Variants in TVP23B observed in about 807,000 individuals in gnomAD.
The protein encoded by TVP23B is Golgi apparatus membrane protein TVP23 homolog B.
Under a neutral mutation model 30.6 loss-of-function variants are expected in TVP23B, and 10 were observed. That is an observed-to-expected ratio of 0.33 (90% CI 0.20 to 0.55). The LOEUF (loss-of-function observed/expected upper bound fraction) is 0.55. Among genes scored for constraint, TVP23B ranks in the 20% least tolerant of loss-of-function variants. The pLI is 0.91. For synonymous variants in TVP23B, 67 were observed against 83.1 expected, an observed-to-expected ratio of 0.81 and a Z score of 1.06; for missense variants, 153 against 243.2, an observed-to-expected ratio of 0.63 and a Z score of 2.47.
At chr17:18,801,260 TTTTTC>T (rs2036162178) in intron 5 of TVP23B, among the ~76,000 whole-genome samples, 1 of 152,204 alleles carries the variant, frequency 6.6e-6, no homozygotes, top group Non-Finnish European at 1.5e-5. Flanking sequence ...TGGTGGGGTT[TTTTTC>T]TTTTCGAGTA....
chr17:18,799,419 G>A (rs1182813597), intron 5 of TVP23B, among the ~76,000 whole-genome samples: 2 of 151,970 alleles, frequency 1.3e-5, no homozygotes, highest in Admixed American at 6.6e-5. Context: ...CTGTGCCTTC[G>A]TTTGGGCTTC....
At chr17:18,792,090 A>G (rs1015526051) in intron 3 of TVP23B, among the ~76,000 whole-genome samples, 26 of 151,482 alleles carry the variant, frequency 1.7e-4, no homozygotes, top group Non-Finnish European at 3.2e-4. Flanking sequence ...CTGGAGTGCA[A>G]TGGCATGATC....
At chr17:18,796,918 G>A (rs1597621107) in intron 3 of TVP23B, 2 of 153,918 alleles carry the variant, frequency 1.3e-5, no homozygotes, top group African/African-American at 2.4e-5. Context: ...CAATTTCCCT[G>A]TTATACTCTT....
chr17:18,789,654 A>G (rs570610026), intron 2 of TVP23B: 57 of 506,498 alleles, frequency 1.1e-4, no homozygotes, highest in African/African-American at 9.4e-4. Context: ...AGCAAATCCA[A>G]TTATTTGAAC....
intron 2 of TVP23B, chr17:18,789,685 G>A: frequency 2.3e-6 from 1 of 433,250 alleles, no homozygotes. Flanking sequence ...TTAATTCTGT[G>A]CTATTTTCCA....
At chr17:18,784,487 A>T (rs2035869527) in intron 1 of TVP23B, among the ~76,000 whole-genome samples, 1 of 152,116 alleles carries the variant, frequency 6.6e-6, no homozygotes, top group African/African-American at 2.4e-5. Context: ...TCTACTAAAA[A>T]TACAAAAATT....
intron 1 of TVP23B, among the ~76,000 whole-genome samples, chr17:18,783,092 G>GATTTATTTATTT (rs1567630060): frequency 1.3e-5 from 1 of 78,162 alleles, no homozygotes; most frequent in Non-Finnish European, 3.1e-5. Context: ...TTTATTTATT[G>GATTTATTTATTT]ATTGATTGAT....
At chr17:18,790,774 C>T (rs2035980072) in intron 2 of TVP23B, 122 bp from the exon 3 acceptor site, 1 of 1,481,736 alleles carries the variant, frequency 6.7e-7, no homozygotes, top group African/African-American at 1.4e-5. Flanking sequence ...CTACTAAAGT[C>T]ACCTCTTTTA....
At chr17:18,785,922 T>C (rs538736508) in intron 1 of TVP23B, among the ~76,000 whole-genome samples, 1 of 152,144 alleles carries the variant, frequency 6.6e-6, no homozygotes, top group South Asian at 2.1e-4. Flanking sequence ...TATGTACTGT[T>C]GTAAAGTTCT....
intron 5 of TVP23B, among the ~76,000 whole-genome samples, chr17:18,802,041 T>C (rs1040502195): frequency 4.6e-5 from 7 of 151,996 alleles, no homozygotes; most frequent in African/African-American, 1.7e-4. Flanking sequence ...GCTAACATGG[T>C]GAAACCCTGT....
intron 3 of TVP23B, among the ~76,000 whole-genome samples, chr17:18,794,719 A>G (rs1283107183): frequency 6.6e-6 from 1 of 152,076 alleles, no homozygotes; most frequent in Non-Finnish European, 1.5e-5. Flanking sequence ...TTCTGAGAGC[A>G]TTCTTTGAAA....
At chr17:18,804,628 G>A (rs1169776569) in intron 6 of TVP23B, 18 of 1,103,294 alleles carry the variant, frequency 1.6e-5, no homozygotes, top group East Asian at 1.3e-4. Context: ...TTGCTCTGTC[G>A]CCCAGGCTGG....
chr17:18,805,142 G>T (rs1239576994), intron 6 of TVP23B, among the ~76,000 whole-genome samples: 1 of 145,484 alleles, frequency 6.9e-6, no homozygotes, highest in African/African-American at 2.6e-5. Context: ...AGGCTGGAGT[G>T]CAGTGGCGCG....
chr17:18,804,500 T>C (rs2036218459), intron 6 of TVP23B: 1 of 1,252,946 alleles, frequency 8.0e-7, no homozygotes, highest in Non-Finnish European at 1.0e-6. Context: ...GATAATAACT[T>C]ATTTTTTAAA....
chr17:18,790,762 T>C (rs2035979860), intron 2 of TVP23B, 134 bp from the exon 3 acceptor site: 3 of 1,468,052 alleles, frequency 2.0e-6, no homozygotes, highest in South Asian at 1.3e-5. Context: ...GTTTGCTTCA[T>C]CCTACTAAAG....
chr17:18,782,048 G>C (rs972582484), intron 1 of TVP23B: 3 of 151,942 alleles, frequency 2.0e-5, no homozygotes, highest in African/African-American at 7.3e-5. Context: ...GATATTTTCA[G>C]ATAATTGCAA....
rs1221098132 is a variant in TVP23B, at chr17:18,781,244, C to A, written c.-50C>A. On this transcript the variant is annotated 5_prime_UTR_variant, in exon 1 of 7. Transcript: ENST00000307767. ...GCCTCAGTTCCGACCCGGACCCGTA[C>A]GCTGCTGCGCTGACGTGGCTCCCGG... 6.4e-7 allele frequency: 1 copy of A among 1,555,864 alleles called. No homozygotes were observed. Among genetic ancestry groups the A allele is most frequent in the East Asian group, 2.4e-5 (1 of 41,754 alleles).
intron 1 of TVP23B, 50 bp downstream of exon 1, chr17:18,781,355 C>T (rs772748779): frequency 1.3e-6 from 2 of 1,559,814 alleles, no homozygotes; most frequent in African/African-American, 1.4e-5. Context: ...GGGACTGGCT[C>T]TGCAGGTTCC....
chr17:18,801,550 G>A (rs866681750), intron 5 of TVP23B, among the ~76,000 whole-genome samples: 3,947 of 139,232 alleles, frequency 0.028, 64 homozygotes, highest in African/African-American at 0.083. Flanking sequence ...TGGAGAACTT[G>A]CCAGGCTCTT....
Sources: gnomAD v4.1 joint callset for allele counts (sites outside exome capture counted in the v4.1 genomes callset) on GRCh38, gnomAD v4.1.1 for gene constraint, MANE v1.5 for transcripts, NCBI Gene and HGNC (gene_info 2026-07-23, HGNC 2026-07-21) for gene names.